TSPEAR: variants seen among roughly 807,000 people sequenced by gnomAD.
TSPEAR encodes the protein thrombospondin type laminin G domain and EAR repeats, also known as thrombospondin-type laminin G domain and EAR repeat-containing protein.
Under a neutral mutation model 71.6 loss-of-function variants are expected in TSPEAR, and 69 were observed. That is an observed-to-expected ratio of 0.96 (90% CI 0.79 to 1.18). TSPEAR has a LOEUF of 1.18. TSPEAR is among the 50% of genes most tolerant of loss of function. The pLI is 0.00. For synonymous variants in TSPEAR, 402 were observed against 387.2 expected, an observed-to-expected ratio of 1.04 and a Z score of -0.45; for missense variants, 971 against 894.9, an observed-to-expected ratio of 1.09 and a Z score of -1.09.
chr21:44,509,109 A>T, intron 10 of TSPEAR, 90 bp downstream of exon 10: 1 of 1,439,604 alleles, frequency 6.9e-7, no homozygotes, highest in Non-Finnish European at 9.5e-7. Flanking sequence ...TTCCACGGGA[A>T]GGGTGGTGAG....
At chr21:44,592,628 G>T in intron 1 of TSPEAR, 2 of 1,325,432 alleles carry the variant, frequency 1.5e-6, no homozygotes, top group East Asian at 2.5e-5. Context: ...CCGGGATTAG[G>T]GGTGTTTGTT....
rs1014632935 is a variant in TSPEAR at position 44,518,784 on chromosome 21, T to C, written c.1566+3099A>G. The C allele has an allele frequency of 7.3e-5, 32 of 440,836 alleles. No homozygotes were observed. In the Admixed American group the frequency reaches 7.7e-4, roughly 11 times the overall value. 27.3% of individuals were successfully genotyped at this position (440,836 alleles called of 1,614,324 possible). On this transcript the variant is annotated intron_variant, in intron 9 of 11. Transcript: ENST00000323084. ...TTGTGTGATAACGTTTCAAATCCCT[T>C]CCTGGTTCTGGCAAAGCTCCTCAAA...
intron 1 of TSPEAR, among the ~76,000 whole-genome samples, chr21:44,584,409 A>G (rs1847283): frequency 0.29 from 44,761 of 152,180 alleles, 6,863 homozygotes; most frequent in East Asian, 0.47. Flanking sequence ...CAGTGCAGGT[A>G]TCTCTTTGAG....
At chr21:44,591,433 C>A (rs371882347) in intron 1 of TSPEAR, 11 of 1,613,294 alleles carry the variant, frequency 6.8e-6, no homozygotes, top group Non-Finnish European at 9.3e-6. Flanking sequence ...GCAGGCAGGG[C>A]GGGAGCACAT....
At position 44,535,207 on chromosome 21, in the gene TSPEAR, T is replaced by G. The variant is rs376039329; in HGVS notation, c.304-1284A>C. Among the ~76,000 whole-genome samples the G allele has an allele frequency of 2.4e-4, 37 of 152,312 alleles. No homozygotes were observed. The East Asian group carries it at 5.4e-3, about 22-fold the overall frequency. On this transcript the variant is annotated intron_variant, in intron 2 of 11. Coordinates refer to ENST00000323084, the MANE Select transcript of TSPEAR (RefSeq NM_144991.3). Reference sequence around the variant, plus strand: ...ATGCCACTGACTGTACCCTTAAAAATAGTTTCGATGGTAAATTTTACATTA... The same window carrying G: ...ATGCCACTGACTGTACCCTTAAAAAGAGTTTCGATGGTAAATTTTACATTA...
intron 1 of TSPEAR, among the ~76,000 whole-genome samples, chr21:44,708,323 G>T (rs2838659): frequency 2.0e-5 from 3 of 151,796 alleles, no homozygotes; most frequent in Non-Finnish European, 4.4e-5. Flanking sequence ...TCATGCACAC[G>T]CAGCCAAGAG....
At chr21:44,637,516 C>T in intron 1 of TSPEAR, 1 of 1,613,472 alleles carries the variant, frequency 6.2e-7, no homozygotes, top group Non-Finnish European at 8.5e-7. Flanking sequence ...GCTGCTGTGC[C>T]CCAGCCCCCA....
chr21:44,614,989 A>G (rs587684711), intron 1 of TSPEAR, among the ~76,000 whole-genome samples: 70 of 152,280 alleles, frequency 4.6e-4, no homozygotes, highest in African/African-American at 1.7e-3. Flanking sequence ...GTCCTGGAAG[A>G]AAAAGCTGGA....
chr21:44,540,196 G>C (rs1265248931), intron 2 of TSPEAR: 11 of 1,594,234 alleles, frequency 6.9e-6, no homozygotes, highest in African/African-American at 1.3e-5. Flanking sequence ...GAGTGAGTGA[G>C]TGTGGGAGTC....
chr21:44,577,108 C>T (rs1467143968), intron 1 of TSPEAR, among the ~76,000 whole-genome samples: 1 of 152,154 alleles, frequency 6.6e-6, no homozygotes, highest in African/African-American at 2.4e-5. Context: ...GAAATCACCC[C>T]ATATCAATAC....
In TSPEAR at chr21:44,504,270, G is replaced by A. The variant is rs587649808; in HGVS notation, c.1856+510C>T. On this transcript the variant is annotated intron_variant, in intron 11 of 11. Transcript: ENST00000323084. ...TAGCTGGCCTCGGTGAGCCCTCAGGGGGAAGCAGGGCTCTGGGAGGAAGCC... is the reference window on the plus strand; with the variant it reads ...TAGCTGGCCTCGGTGAGCCCTCAGGAGGAAGCAGGGCTCTGGGAGGAAGCC... Among the ~76,000 whole-genome samples, 10 of 143,136 alleles carry A rather than the reference G, an allele frequency of 7.0e-5. No homozygotes were observed. The East Asian group carries it at 1.9e-3, about 28-fold the overall frequency. The allele number at this position is 143,136 out of a possible 152,430, so 93.9% of individuals were successfully genotyped here.
At chr21:44,602,898 A>G (rs71317704) in intron 1 of TSPEAR, among the ~76,000 whole-genome samples, 126,062 of 151,804 alleles carry the variant, frequency 0.83, 54,117 homozygotes, top group Non-Finnish European at 0.94. Flanking sequence ...ACAGCTGTGA[A>G]TACCACAACC....
At chr21:44,504,745 G>A (rs200550480) in intron 11 of TSPEAR, 35 bp downstream of exon 11, 3 of 1,482,824 alleles carry the variant, frequency 2.0e-6, no homozygotes, top group Non-Finnish European at 2.8e-6. Context: ...GGGAAGCAAG[G>A]CTCTGGGAGG....
chr21:44,654,130 C>T, intron 1 of TSPEAR: 1 of 660,332 alleles, frequency 1.5e-6, no homozygotes, highest in South Asian at 1.9e-5. Flanking sequence ...CGGCTGGGAT[C>T]TAGTGACGGT....
chr21:44,597,586 CCAT>C (rs1443785176), intron 1 of TSPEAR, among the ~76,000 whole-genome samples: 8 of 152,074 alleles, frequency 5.3e-5, no homozygotes, highest in Non-Finnish European at 1.0e-4. Flanking sequence ...GTGCCCACCA[CCAT>C]GCCCGGCTAA....
chr21:44,560,360 C>T (rs2053614321), intron 2 of TSPEAR, among the ~76,000 whole-genome samples: 1 of 152,170 alleles, frequency 6.6e-6, no homozygotes. Flanking sequence ...TACAAAGAGA[C>T]TTAGACTCCC....
chr21:44,580,243 C>T lies in TSPEAR; in HGVS notation c.83-12238G>A, dbSNP rs1978844247. On this transcript the variant is annotated intron_variant, in intron 1 of 11. Transcript: ENST00000323084. ...AGCAAGTTGGCTGGCAGCTAGACTG[C>T]TGGCAGCATGAAGAGGAATCCTTAG... The T allele has an allele frequency of 1.9e-6, 3 of 1,613,550 alleles. No individual in the cohort carries two copies. In the African/African-American group the frequency reaches 4.0e-5, roughly 22 times the overall value.
chr21:44,677,494 T>A, intron 1 of TSPEAR: 1 of 828,028 alleles, frequency 1.2e-6, no homozygotes, highest in Non-Finnish European at 2.1e-6. Context: ...TGTTCTTGTT[T>A]TTCCTCTTGT....
chr21:44,570,308 C>G (rs1473750968), intron 1 of TSPEAR, among the ~76,000 whole-genome samples: 1 of 152,242 alleles, frequency 6.6e-6, no homozygotes, highest in Admixed American at 6.5e-5. Flanking sequence ...GCTCCGGACC[C>G]CACGCCTGCA....
Sources: gnomAD v4.1 joint callset for allele counts (sites outside exome capture counted in the v4.1 genomes callset) on GRCh38, gnomAD v4.1.1 for gene constraint, MANE v1.5 for transcripts, NCBI Gene and HGNC (gene_info 2026-07-23, HGNC 2026-07-21) for gene names.